Variants in TMA16 observed in about 807,000 individuals in gnomAD.
The protein encoded by TMA16 is translation machinery associated 16 homolog, also known as translation machinery-associated protein 16.
Under a neutral mutation model 27.1 loss-of-function variants are expected in TMA16, and 26 were observed. That is an observed-to-expected ratio of 0.96 (90% CI 0.70 to 1.33). The LOEUF is 1.33. Ranked by LOEUF, TMA16 falls within the 40% of genes most tolerant of loss-of-function variation. The pLI is 0.00. For missense variants in TMA16, 233 were observed against 241.4 expected (o/e 0.97, Z 0.23); for synonymous variants, 71 against 81.9 (o/e 0.87, Z 0.72).
intron 1 of TMA16, among the ~76,000 whole-genome samples, chr4:163,498,846 C>G (rs1189719996): frequency 6.6e-6 from 1 of 151,982 alleles, no homozygotes; most frequent in Admixed American, 6.6e-5. Flanking sequence ...TTTGTAGAGA[C>G]AGGGTCTCAC....
rs1205341811 is a variant in TMA16 at position 163,519,403 on chromosome 4, T to A, written c.501T>A (p.Ile167=). 5 of 1,607,782 alleles carry A rather than the reference T, an allele frequency of 3.1e-6. No homozygotes were observed. The highest frequency in any genetic ancestry group is 4.2e-6 in the Non-Finnish European group (5 of 1,177,748). The change falls in exon 7 of 7, where the codon ATT becomes ATA. Residue 167 remains isoleucine (I), a synonymous_variant. Coordinates refer to ENST00000358572, the MANE Select transcript of TMA16 (RefSeq NM_018352.3). Reference sequence around the variant, plus strand: ...GAAAAATTTGCGCTAATGATGCAATTCCCAAGACGTGCAAGAGGAAAACTA... The same window carrying A: ...GAAAAATTTGCGCTAATGATGCAATACCCAAGACGTGCAAGAGGAAAACTA... ...KMRKICANDA[I]PKTCKRKTII... is the part of the protein sequence containing the mutation.
intron 2 of TMA16, 80 bp downstream of exon 2, chr4:163,507,225 C>T: frequency 8.3e-7 from 1 of 1,208,790 alleles, no homozygotes; most frequent in Admixed American, 2.3e-5. Flanking sequence ...TATATCCTTT[C>T]ACAGTATTGT....
chr4:163,511,155 C>G (rs190608298), intron 2 of TMA16, among the ~76,000 whole-genome samples: 1 of 152,072 alleles, frequency 6.6e-6, no homozygotes, highest in East Asian at 1.9e-4. Flanking sequence ...AGTGATAGTA[C>G]CATTTTACAT....
chr4:163,507,767 T>A (rs757709789), intron 2 of TMA16, among the ~76,000 whole-genome samples: 2 of 152,008 alleles, frequency 1.3e-5, no homozygotes, highest in Non-Finnish European at 2.9e-5. Context: ...CAAGTGAGAC[T>A]GAGAAGGAGG....
intron 1 of TMA16, among the ~76,000 whole-genome samples, chr4:163,503,570 G>GT (rs960140510): frequency 6.6e-6 from 1 of 152,096 alleles, no homozygotes; most frequent in Non-Finnish European, 1.5e-5. Context: ...TAAACTATGT[G>GT]TTTTTTTGTT....
chr4:163,519,483 A>AT lies in TMA16; in HGVS notation c.583dup (p.Ser195PhefsTer3). 6.2e-7 allele frequency: 1 copy of AT among 1,601,048 alleles called. No individual in the cohort carries two copies. Among genetic ancestry groups the AT allele is most frequent in the East Asian group, 2.3e-5 (1 of 44,244 alleles). On this transcript the variant is annotated frameshift_variant, in exon 7 of 7. Coordinates refer to ENST00000358572, the MANE Select transcript of TMA16 (RefSeq NM_018352.3). LOFTEE classifies it high-confidence loss of function. ...TTGGAACTAAACGATGAATCAAGTG[A>AT]TTCAGATGAGGAAATGACTGCAGTG...
chr4:163,501,147 T>TA (rs1433340534), intron 1 of TMA16, among the ~76,000 whole-genome samples: 1 of 152,194 alleles, frequency 6.6e-6, no homozygotes. Flanking sequence ...TGCTTACTGT[T>TA]ATCTCTGGAA....
intron 1 of TMA16, among the ~76,000 whole-genome samples, chr4:163,500,820 C>G (rs1192708968): frequency 6.6e-6 from 1 of 152,136 alleles, no homozygotes; most frequent in Admixed American, 6.5e-5. Flanking sequence ...TTTTTCACTT[C>G]TTATAAAAGA....
intron 1 of TMA16, among the ~76,000 whole-genome samples, chr4:163,502,139 C>T (rs1036228421): frequency 6.6e-6 from 1 of 151,926 alleles, no homozygotes; most frequent in East Asian, 1.9e-4. Context: ...TCTGACTAGA[C>T]GTTAGTAGGT....
rs1033285788 is a variant in TMA16 at position 163,517,270 on chromosome 4, A to T, written c.389-164A>T. On this transcript the variant is annotated intron_variant, in intron 5 of 6. Transcript: ENST00000358572. Reference sequence around the variant, plus strand: ...CATTTAATAGGATTTTTCTTAAGTCATCTTAAACTAACCCCTTTTGCAAAT... The same window carrying T: ...CATTTAATAGGATTTTTCTTAAGTCTTCTTAAACTAACCCCTTTTGCAAAT... 14 of 635,202 alleles carry T rather than the reference A, an allele frequency of 2.2e-5. No homozygotes were observed. The African/African-American group carries it at 2.6e-4, about 12-fold the overall frequency. 39.3% of individuals were successfully genotyped at this position (635,202 alleles called of 1,614,324 possible).
At chr4:163,518,637 A>C (rs1228573873) in intron 6 of TMA16, among the ~76,000 whole-genome samples, 1 of 152,192 alleles carries the variant, frequency 6.6e-6, no homozygotes, top group Non-Finnish European at 1.5e-5. Flanking sequence ...ATTTAAATCC[A>C]GTCATTGTCT....
chr4:163,505,480 A>G (rs1737707148), intron 1 of TMA16, among the ~76,000 whole-genome samples: 1 of 152,232 alleles, frequency 6.6e-6, no homozygotes, highest in Non-Finnish European at 1.5e-5. Context: ...TATTTTAAAT[A>G]GTTCTGCCTA....
rs4362779 is a variant in TMA16 at position 163,519,591 on chromosome 4, T to A, written c.*77T>A. ...CATTGATTATGGTACCTAATTGTCA[T>A]GATACAAAAATTTGATACTGACATT... On this transcript the variant is annotated 3_prime_UTR_variant, in exon 7 of 7. Coordinates refer to ENST00000358572, the MANE Select transcript of TMA16 (RefSeq NM_018352.3). The A allele has an allele frequency of 0.46, 641,081 of 1,379,252 alleles. 151,806 individuals are homozygous for A. Among genetic ancestry groups the A allele is most frequent in the Admixed American group, 0.57 (16,513 of 28,750 alleles). The allele number at this position is 1,379,252 out of a possible 1,614,324, so 85.4% of individuals were successfully genotyped here. A position where few individuals can be genotyped will look rare whatever the true frequency, so the allele number is the denominator to read the frequency against.
Position 163,519,962 on chromosome 4 carries a change from C to G in TMA16, c.*448C>G. On this transcript the variant is annotated 3_prime_UTR_variant, in exon 7 of 7. Coordinates refer to ENST00000358572, the MANE Select transcript of TMA16 (RefSeq NM_018352.3). Reference sequence around the variant, plus strand: ...ACTAATGCTTCTTTTAAACATTAAACCTATTTTCCTTTTTTACAGAATAAG... The same window carrying G: ...ACTAATGCTTCTTTTAAACATTAAAGCTATTTTCCTTTTTTACAGAATAAG... 1.7e-6 allele frequency: 1 copy of G among 595,194 alleles called. No individual in the cohort carries two copies. The highest frequency in any genetic ancestry group is 3.0e-6 in the Non-Finnish European group (1 of 328,120). The allele number at this position is 595,194 out of a possible 1,614,324, so 36.9% of individuals were successfully genotyped here. A position where few individuals can be genotyped will look rare whatever the true frequency, so the allele number is the denominator to read the frequency against.
intron 1 of TMA16, 116 bp downstream of exon 1, chr4:163,494,920 T>C (rs1328725029): frequency 2.0e-6 from 3 of 1,477,978 alleles, no homozygotes; most frequent in African/African-American, 1.4e-5. Flanking sequence ...GGATGCAAAG[T>C]GTTTATTTTC....
Position 163,517,453 on chromosome 4 carries a change from T to C in TMA16, c.408T>C (p.Asn136=). The C allele has an allele frequency of 6.2e-7, 1 of 1,613,658 alleles. No homozygotes were observed. The highest frequency in any genetic ancestry group is 1.1e-5 in the South Asian group (1 of 90,964). ...GYGLEIPDIL[N]ASNLKTFREW... The stretch of plus-strand genomic sequence containing the variant: ...TTCCAGAGATTCCAGACATTCTAAA[T>C]GCAAGTAATCTGAAAACATTTAGGT... Residue 136 remains asparagine (N), a synonymous_variant, in exon 6 of 7, where the codon AAT becomes AAC. Coordinates refer to ENST00000358572, the MANE Select transcript of TMA16 (RefSeq NM_018352.3).
chr4:163,512,338 A>C (rs1227971945), intron 2 of TMA16: 1 of 152,670 alleles, frequency 6.6e-6, no homozygotes, highest in Non-Finnish European at 1.5e-5. Context: ...TTACCTATAC[A>C]CTTTCTGAGC....
At chr4:163,506,380 A>G (rs549491530) in intron 1 of TMA16, among the ~76,000 whole-genome samples, 80 of 152,282 alleles carry the variant, frequency 5.3e-4, no homozygotes, top group Admixed American at 1.2e-3. Context: ...TTCCTAGATC[A>G]TTATAGGTGA....
intron 2 of TMA16, among the ~76,000 whole-genome samples, chr4:163,509,243 C>A (rs1290761109): frequency 6.6e-6 from 1 of 152,162 alleles, no homozygotes; most frequent in African/African-American, 2.4e-5. Flanking sequence ...TGAAACGCTG[C>A]TGATTCCCTG....
Sources: gnomAD v4.1 joint callset for allele counts (sites outside exome capture counted in the v4.1 genomes callset) on GRCh38, gnomAD v4.1.1 for gene constraint, MANE v1.5 for transcripts, NCBI Gene and HGNC (gene_info 2026-07-23, HGNC 2026-07-21) for gene names.